Variants in MGA observed in about 807,000 individuals in gnomAD.
MGA encodes the protein MAX gene-associated protein.
In MGA, 40 loss-of-function variants were observed where a neutral mutation model predicts 261.1. That is an observed-to-expected ratio of 0.15 (90% CI 0.12 to 0.20). The LOEUF (loss-of-function observed/expected upper bound fraction) is 0.20. MGA is among the 10% of genes least tolerant of loss of function. MGA has a pLI of 1.00. For missense variants in MGA, 3,397 were observed against 3,630.5 expected, an observed-to-expected ratio of 0.94 and a Z score of 1.65; for synonymous variants, 1,302 against 1,290.6, an observed-to-expected ratio of 1.01 and a Z score of -0.19.
chr15:41,741,697 G>A (rs2062112950), intron 14 of MGA, among the ~76,000 whole-genome samples: 1 of 151,968 alleles, frequency 6.6e-6, no homozygotes, highest in Non-Finnish European at 1.5e-5. Context: ...ATTTTAGTAG[G>A]AACACTCTAT....
chr15:41,627,055 C>T lies in MGA; in HGVS notation c.-68+5757C>T, dbSNP rs1021691980. ...CCAAGTAGCTGGGATTACAGGCGTG[C>T]ACCACCACATCCAGCTAATTTTTTT... On this transcript the variant is annotated intron_variant, in intron 1 of 8. Coordinates refer to the MGA transcript ENST00000566718. Among the ~76,000 whole-genome samples the T allele has an allele frequency of 6.6e-4, 100 of 151,998 alleles. 1 individual carries two copies. The highest frequency in any genetic ancestry group is 1.0e-4 in the Non-Finnish European group (7 of 68,008).
At chr15:41,637,268 G>A (rs2056729515) in intron 1 of MGA, among the ~76,000 whole-genome samples, 1 of 152,148 alleles carries the variant, frequency 6.6e-6, no homozygotes, top group Non-Finnish European at 1.5e-5. Context: ...AGGAAGATAG[G>A]TCATGGTTCG....
intron 14 of MGA, among the ~76,000 whole-genome samples, chr15:41,742,343 C>T (rs555746140): frequency 6.6e-6 from 1 of 151,812 alleles, no homozygotes; most frequent in African/African-American, 2.4e-5. Flanking sequence ...GAGCCGAGAT[C>T]GCGCCATTGC....
chr15:41,734,350 C>T (rs1206709134), intron 11 of MGA, among the ~76,000 whole-genome samples, 172 bp from the exon 12 acceptor site: 1 of 152,134 alleles, frequency 6.6e-6, no homozygotes, highest in East Asian at 1.9e-4. Flanking sequence ...TGTGTTTTTA[C>T]CCAGGGTTTT....
chr15:41,634,166 A>G (rs934852241), intron 1 of MGA, among the ~76,000 whole-genome samples: 7 of 152,002 alleles, frequency 4.6e-5, no homozygotes, highest in Admixed American at 3.3e-4. Context: ...TACATCATGT[A>G]TTTATTTATT....
chr15:41,653,740 C>T (rs2057113774), intron 1 of MGA, among the ~76,000 whole-genome samples: 1 of 150,992 alleles, frequency 6.6e-6, no homozygotes. Context: ...AAAAAAAAAA[C>T]CCTTTTGGTT....
intron 3 of MGA, 79 bp downstream of exon 3, chr15:41,697,102 T>TG: frequency 8.4e-7 from 1 of 1,196,528 alleles, no homozygotes; most frequent in Non-Finnish European, 1.1e-6. Context: ...GTAACTCGAT[T>TG]TACAATCTAG....
chr15:41,689,666 G>A (rs2059164303), intron 2 of MGA, among the ~76,000 whole-genome samples: 1 of 151,230 alleles, frequency 6.6e-6, no homozygotes, highest in African/African-American at 2.4e-5. Context: ...ACCAGGTTCA[G>A]GTGATTTTCC....
At chr15:41,677,012 T>G (rs2058421468) in intron 2 of MGA, among the ~76,000 whole-genome samples, 1 of 152,244 alleles carries the variant, frequency 6.6e-6, no homozygotes, top group Non-Finnish European at 1.5e-5. Context: ...TGTTCCCTCT[T>G]AAAATTCTTC....
intron 1 of MGA, among the ~76,000 whole-genome samples, chr15:41,623,565 A>T (rs147100116): frequency 0.011 from 1,635 of 151,988 alleles, 32 homozygotes; most frequent in African/African-American, 0.037. Context: ...ACCAACATGG[A>T]AAAACCCCGT....
intron 8 of MGA, among the ~76,000 whole-genome samples, chr15:41,712,679 C>T (rs933074670): frequency 3.0e-4 from 46 of 151,992 alleles, no homozygotes; most frequent in Admixed American, 2.7e-3. Flanking sequence ...TTATTAATTA[C>T]CCTACAATAG....
intron 1 of MGA, among the ~76,000 whole-genome samples, chr15:41,654,740 T>C (rs1303442004): frequency 1.3e-5 from 2 of 152,132 alleles, no homozygotes; most frequent in East Asian, 1.9e-4. Context: ...TCTCAAACTC[T>C]TGGGCTCAAG....
chr15:41,660,264 T>C (rs1286079777), upstream of MGA: 2 of 152,240 alleles, frequency 1.3e-5, no homozygotes, highest in Non-Finnish European at 1.5e-5. Context: ...GGGGGGCGGG[T>C]CCCAAGGGTC....
At chr15:41,673,924 C>T (rs751464345) in intron 2 of MGA, among the ~76,000 whole-genome samples, 1 of 152,072 alleles carries the variant, frequency 6.6e-6, no homozygotes, top group Non-Finnish European at 1.5e-5. Flanking sequence ...CGGAGTCTTG[C>T]TCTGTCACCC....
chr15:41,707,907 T>C (rs1567009741), intron 6 of MGA, 48 bp downstream of exon 6: 3 of 1,583,998 alleles, frequency 1.9e-6, no homozygotes, highest in Middle Eastern at 1.7e-4. Flanking sequence ...TCTTGAAGTT[T>C]ACGTTATTTG....
chr15:41,622,025 T>C (rs1595525343), intron 1 of MGA, among the ~76,000 whole-genome samples: 1 of 69,216 alleles, frequency 1.4e-5, no homozygotes, highest in Non-Finnish European at 2.6e-5. Context: ...CGCGTGCTGC[T>C]GGCGCGGGGT....
At chr15:41,728,224 G>T (rs146211139) in intron 10 of MGA, among the ~76,000 whole-genome samples, 2 of 152,218 alleles carry the variant, frequency 1.3e-5, no homozygotes, top group Non-Finnish European at 2.9e-5. Flanking sequence ...CCAGCTACTC[G>T]GTAGGCTGAG....
rs1567038027 is a variant in MGA at position 41,725,858 on chromosome 15, AAATAAAT to A, written c.3431-1319_3431-1313del. Among the ~76,000 whole-genome samples, 9 of 11,962 alleles carry A rather than the reference AAATAAAT, an allele frequency of 7.5e-4. 2 individuals are homozygous for A. Among genetic ancestry groups the A allele is most frequent in the South Asian group, 0.012 (2 of 172 alleles). 7.8% of individuals were successfully genotyped at this position (11,962 alleles called of 152,430 possible). ...TCAAAAAAAAAAAAAAAAAAAAAAT[AAATAAAT>A]AAATAAATAAATAAGTAAACCCAGG... On this transcript the variant is annotated intron_variant, in intron 9 of 23. Transcript: ENST00000219905.
rs750840386 is a variant in MGA, at chr15:41,739,902, T to G, written c.4435-151T>G. On this transcript the variant is annotated intron_variant, in intron 13 of 23. Transcript: ENST00000219905. ...ACAGAATTTCTCTTTGCCACTTGTT[T>G]CAGGTTAATGGTAAGAGTTACCCGC... 2 of 1,608,034 alleles carry G rather than the reference T, an allele frequency of 1.2e-6. No homozygotes were observed. The highest frequency in any genetic ancestry group is 2.2e-5 in the South Asian group (2 of 90,096).
Sources: allele counts gnomAD v4.1 joint callset (sites outside exome capture counted in the v4.1 genomes callset), GRCh38; gene constraint gnomAD v4.1.1; transcripts MANE v1.5; gene names NCBI Gene and HGNC (gene_info 2026-07-23, HGNC 2026-07-21).